Variants in FOXK2 observed in about 807,000 individuals in gnomAD.
FOXK2 encodes forkhead box protein K2.
In FOXK2, 24 loss-of-function variants were observed where a neutral mutation model predicts 53.3. That is an observed-to-expected ratio of 0.45 (90% CI 0.33 to 0.63). FOXK2 has a LOEUF of 0.63. Among genes scored for constraint, FOXK2 ranks in the 30% least tolerant of loss-of-function variants. The pLI, the probability that FOXK2 is intolerant of heterozygous loss-of-function variation, is 0.03. For missense variants in FOXK2, 952 were observed against 910.5 expected (o/e 1.05, Z -0.59); for synonymous variants, 505 against 407.1 (o/e 1.24, Z -2.89).
rs998439416 is a variant in FOXK2 at position 82,559,250 on chromosome 17, G to A, written c.420-4104G>A. The A allele has an allele frequency of 1.5e-4, 61 of 412,258 alleles. 1 individual carries two copies. The highest frequency in any genetic ancestry group is 7.5e-4 in the Middle Eastern group (1 of 1,326). The allele number at this position is 412,258 out of a possible 1,614,324, so 25.5% of individuals were successfully genotyped here. A position where few individuals can be genotyped will look rare whatever the true frequency, so the allele number is the denominator to read the frequency against. ...GTGTCTGTATGTGGATGTGGAGTGCGGTTTTCCACTGAGCTTCAGTCTGAG... is the reference window on the plus strand; with the variant it reads ...GTGTCTGTATGTGGATGTGGAGTGCAGTTTTCCACTGAGCTTCAGTCTGAG... On this transcript the variant is annotated intron_variant, in intron 1 of 8. Coordinates refer to ENST00000335255, the MANE Select transcript of FOXK2 (RefSeq NM_004514.4).
intron 1 of FOXK2, among the ~76,000 whole-genome samples, chr17:82,533,167 A>G (rs1034637972): frequency 1.3e-5 from 2 of 152,206 alleles, no homozygotes; most frequent in East Asian, 3.8e-4. Context: ...AAAAATAAGT[A>G]GAAGCAGTAT....
intron 1 of FOXK2, among the ~76,000 whole-genome samples, chr17:82,523,542 G>T (rs1021673722): frequency 6.6e-6 from 1 of 150,416 alleles, no homozygotes; most frequent in African/African-American, 2.5e-5. Flanking sequence ...GTATGATCTC[G>T]GCTCATTGCA....
chr17:82,577,401 C>T, intron 4 of FOXK2: 1 of 464,476 alleles, frequency 2.2e-6, no homozygotes, highest in Non-Finnish European at 4.0e-6. Flanking sequence ...ATCACTGCAG[C>T]CCCGAGCAGG....
intron 4 of FOXK2, among the ~76,000 whole-genome samples, chr17:82,573,322 C>T (rs545919784): frequency 7.2e-5 from 11 of 152,210 alleles, no homozygotes; most frequent in East Asian, 1.9e-4. Context: ...TGCCCACCCC[C>T]CATACCTGGA....
At chr17:82,573,090 G>A (rs1195337204) in intron 4 of FOXK2, among the ~76,000 whole-genome samples, 2 of 152,112 alleles carry the variant, frequency 1.3e-5, no homozygotes, top group Non-Finnish European at 2.9e-5. Context: ...CTACTCCAGA[G>A]GCTGAGGTGG....
intron 8 of FOXK2, 128 bp downstream of exon 8, chr17:82,587,400 G>A: frequency 2.6e-6 from 2 of 756,658 alleles, no homozygotes; most frequent in Admixed American, 4.3e-5. Flanking sequence ...GCATTTCGAA[G>A]CTGCAGGAAA....
chr17:82,587,487 G>A (rs777345406), intron 8 of FOXK2: 1 of 585,754 alleles, frequency 1.7e-6, no homozygotes, highest in Non-Finnish European at 3.1e-6. Context: ...GAAAAGAGAT[G>A]AGAGTTTCTA....
At chr17:82,573,838 T>C (rs1384170577) in intron 4 of FOXK2, among the ~76,000 whole-genome samples, 1 of 152,264 alleles carries the variant, frequency 6.6e-6, no homozygotes, top group Non-Finnish European at 1.5e-5. Flanking sequence ...GTGTTTTTTC[T>C]AACATCCATT....
At chr17:82,586,544 T>TGGGCAGTGGGGAA in intron 7 of FOXK2, among the ~76,000 whole-genome samples, 1 of 82,982 alleles carries the variant, frequency 1.2e-5, no homozygotes, top group African/African-American at 7.3e-5. Context: ...AGGTCAAAGG[T>TGGGCAGTGGGGAA]AGGCGGAGGG....
chr17:82,567,114 C>T (rs1360230000), intron 2 of FOXK2, among the ~76,000 whole-genome samples: 1 of 152,134 alleles, frequency 6.6e-6, no homozygotes, highest in East Asian at 1.9e-4. Context: ...CTCCTCCCCC[C>T]CACCTCTCCA....
At chr17:82,596,349 C>T (rs1302554301) in intron 8 of FOXK2, among the ~76,000 whole-genome samples, 2 of 152,148 alleles carry the variant, frequency 1.3e-5, no homozygotes, top group Admixed American at 6.5e-5. Context: ...GCTGTGTTTT[C>T]CATGCTTGGT....
At chr17:82,541,526 G>A (rs1188403291) in intron 1 of FOXK2, among the ~76,000 whole-genome samples, 1 of 151,998 alleles carries the variant, frequency 6.6e-6, no homozygotes, top group Non-Finnish European at 1.5e-5. Flanking sequence ...GCCTCCCAAA[G>A]TGCTGGGATT....
At position 82,585,896 on chromosome 17, in the gene FOXK2, T is replaced by C. The variant is rs1276929222; in HGVS notation, c.1280-8T>C. The C allele has an allele frequency of 1.9e-5, 31 of 1,603,436 alleles. No homozygotes were observed. Among genetic ancestry groups the C allele is most frequent in the Non-Finnish European group, 2.6e-5 (30 of 1,173,390 alleles). ...TGTAAGTGTCAGTCCTGCTGTGTCT[T>C]TCACCAGGGTCACCTCTGTCCAGTC... On this transcript the variant is annotated splice_polypyrimidine_tract_variant and splice_region_variant and intron_variant, in intron 6 of 8. Transcript: ENST00000335255.
In FOXK2 at chr17:82,586,196, C is replaced by A. The variant is rs111240743; in HGVS notation, c.1572C>A (p.Val524=). ...EAQENGDHRE[V]KVKVEPIPAI... ...AGGAGAATGGAGACCACAGGGAAGT[C>A]AAAGGTAGGCGGAGGGGAAAGGAGG... is the stretch of plus-strand genomic sequence containing the variant. Residue 524 remains valine, a synonymous_variant, in exon 7 of 9, where the codon GTC becomes GTA. Transcript: ENST00000335255. 6.4e-7 allele frequency: 1 copy of A among 1,556,068 alleles called. No homozygotes were observed. Among genetic ancestry groups the A allele is most frequent in the East Asian group, 2.4e-5 (1 of 41,270 alleles).
Position 82,571,731 on chromosome 17 carries a change from C to A in FOXK2, c.770C>A (p.Ser257Ter). 6.5e-7 allele frequency: 1 copy of A among 1,539,164 alleles called. No homozygotes were observed. The highest frequency in any genetic ancestry group is 8.7e-7 in the Non-Finnish European group (1 of 1,148,496). ...ASGGDSPKDD[S>*]KPPYSYAQLI... is the part of the protein sequence containing the mutation. The stretch of plus-strand genomic sequence containing the variant: ...TTTGTTTTTTAAATACAGGATGATT[C>A]AAAGCCGCCTTACTCCTACGCGCAG... The change falls in exon 4 of 9, where the codon TCA (serine) becomes TAA (stop). Residue 257 changes from serine (S) to a stop codon, truncating the protein, a stop_gained. Transcript: ENST00000335255. LOFTEE classifies it high-confidence loss of function.
intron 1 of FOXK2, among the ~76,000 whole-genome samples, chr17:82,556,465 C>G (rs774320355): frequency 4.0e-5 from 6 of 151,476 alleles, no homozygotes; most frequent in Non-Finnish European, 8.8e-5. Context: ...AGCAAGTTAC[C>G]AGGACATCTG....
At position 82,603,625 on chromosome 17, in the gene FOXK2, G is replaced by A. The variant is rs2045412806; in HGVS notation, c.*2126G>A. Reference sequence around the variant, plus strand: ...CATAAACTGGTTACTTCTGATCCTGGAACGTGGACTTCACATGATAGGTCT... The same window carrying A: ...CATAAACTGGTTACTTCTGATCCTGAAACGTGGACTTCACATGATAGGTCT... On this transcript the variant is annotated 3_prime_UTR_variant, in exon 9 of 9. Transcript: ENST00000335255. The A allele has an allele frequency of 6.6e-6, 1 of 152,168 alleles. No individual in the cohort carries two copies. The highest frequency in any genetic ancestry group is 1.5e-5 in the Non-Finnish European group (1 of 68,052). The allele number at this position is 152,168 out of a possible 1,614,324, so 9.4% of individuals were successfully genotyped here. A position where few individuals can be genotyped will look rare whatever the true frequency, so the allele number is the denominator to read the frequency against.
chr17:82,579,899 T>C (rs2045037020), intron 4 of FOXK2, among the ~76,000 whole-genome samples: 1 of 109,572 alleles, frequency 9.1e-6, no homozygotes, highest in Non-Finnish European at 1.9e-5. Flanking sequence ...ATGAAGTAGC[T>C]CCATCCACAG....
rs146077652 is a variant in FOXK2, at chr17:82,542,082, C to T, written c.420-21272C>T. Reference sequence around the variant, plus strand: ...TTTTGGTAGAGACAGGGTTTCGCCACGTTGGCCAGTGTGGTCTTGAACTCC... The same window carrying T: ...TTTTGGTAGAGACAGGGTTTCGCCATGTTGGCCAGTGTGGTCTTGAACTCC... On this transcript the variant is annotated intron_variant, in intron 1 of 8. Transcript: ENST00000335255. Among the ~76,000 whole-genome samples the T allele has an allele frequency of 3.5e-3, 534 of 151,748 alleles. 4 individuals carry two copies. Among genetic ancestry groups the T allele is most frequent in the African/African-American group, 0.012 (513 of 41,360 alleles).
Sources: allele counts gnomAD v4.1 joint callset (sites outside exome capture counted in the v4.1 genomes callset), GRCh38; gene constraint gnomAD v4.1.1; transcripts MANE v1.5; gene names NCBI Gene and HGNC (gene_info 2026-07-23, HGNC 2026-07-21).